The following HSPG2 variants were observed in gnomAD, a reference collection of about 807,000 sequenced individuals.
HSPG2 encodes heparan sulfate proteoglycan 2, also known as basement membrane-specific heparan sulfate proteoglycan core protein.
Under a neutral mutation model 526.6 loss-of-function variants are expected in HSPG2, and 278 were observed. The observed-to-expected ratio is 0.53, with a 90% confidence interval of 0.48 to 0.58. The LOEUF (loss-of-function observed/expected upper bound fraction) is 0.58, where lower values mean the gene tolerates loss of function less well. HSPG2 is among the 20% of genes least tolerant of loss of function. The pLI, the probability that HSPG2 is intolerant of heterozygous loss-of-function variation, is 0.00. For missense variants in HSPG2, 5,354 were observed against 6,099.5 expected (o/e 0.88, Z 4.07); for synonymous variants, 2,465 against 2,555.4 (o/e 0.96, Z 1.07).
intron 1 of HSPG2, among the ~76,000 whole-genome samples, chr1:21,902,731 G>A (rs919585330): frequency 3.9e-5 from 6 of 152,320 alleles, no homozygotes; most frequent in African/African-American, 1.2e-4. Context: ...GGGCTTCTCG[G>A]GAGCGCTGGG....
In HSPG2 at chr1:21,855,274, T is replaced by C. The variant is rs757471272; in HGVS notation, c.5997+30A>G. On this transcript the variant is annotated intron_variant, in intron 47 of 96. Transcript: ENST00000374695. Reference sequence around the variant, plus strand: ...GGACTCTCTGCAGAGCCTGTGGGCCTCCTCCTCCTGGGTGGGCCCATCTCC... The same window carrying C: ...GGACTCTCTGCAGAGCCTGTGGGCCCCCTCCTCCTGGGTGGGCCCATCTCC... The C allele has an allele frequency of 3.8e-6, 6 of 1,587,412 alleles. No homozygotes were observed. In the Admixed American group the frequency reaches 1.1e-4, roughly 28 times the overall value.
Position 21,852,132 on chromosome 1 carries a change from C to T in HSPG2, c.6826G>A (p.Val2276Ile). 1 of 1,613,742 alleles carries T rather than the reference C, an allele frequency of 6.2e-7. No homozygotes were observed. The highest frequency in any genetic ancestry group is 2.2e-5 in the East Asian group (1 of 44,886). ...CTGCCCCCACGCTTGTACCATGTGA[C>T]CTGGGCGTGGGCCTGCCCTGCCACC... ...CVVAGQAHAQ[V>I]TWYKRGGSLP... is the part of the protein sequence containing the mutation. Residue 2276 changes from valine to isoleucine, a missense_variant, in exon 53 of 97, where the codon GTC becomes ATC. By Grantham distance (29) the Val-to-Ile change is conservative. Transcript: ENST00000374695.
Position 21,880,356 on chromosome 1 carries a change from C to G in HSPG2, c.2195+7G>C, listed in dbSNP as rs772303683. 3.7e-6 allele frequency: 6 copies of G among 1,614,140 alleles called. No individual in the cohort carries two copies. Among genetic ancestry groups the G allele is most frequent in the Non-Finnish European group, 4.2e-6 (5 of 1,180,022 alleles). On this transcript the variant is annotated splice_region_variant and intron_variant, in intron 16 of 96. Transcript: ENST00000374695. ...TCTGTGGTTCCCAGCCCTGCCGGCT[C>G]AGGCACCTGCACTCCTCCACACTGT... is the stretch of plus-strand genomic sequence containing the variant.
At chr1:21,846,038 A>C in intron 64 of HSPG2, 70 bp downstream of exon 64, 1 of 1,565,096 alleles carries the variant, frequency 6.4e-7, no homozygotes, top group Non-Finnish European at 8.8e-7. Flanking sequence ...TCCTTCTGCC[A>C]GTTCTGCCCC....
rs1164712711 is a variant in HSPG2, at chr1:21,895,461, A to G, written c.244+461T>C. On this transcript the variant is annotated intron_variant, in intron 3 of 96. Coordinates refer to ENST00000374695, the MANE Select transcript of HSPG2 (RefSeq NM_005529.7). The surrounding 1 kb of genome is among the most constrained non-coding windows in gnomAD (Gnocchi z 4.1). ...AAGGTTCTCTCCCAAGCCTAGCGTC[A>G]GGCTCGATCTGTGCTCTGCATGCCC... is the stretch of plus-strand genomic sequence containing the variant. Among the ~76,000 whole-genome samples, 1 of 152,156 alleles carries G rather than the reference A, an allele frequency of 6.6e-6. No homozygotes were observed. Among genetic ancestry groups the G allele is most frequent in the Non-Finnish European group, 1.5e-5 (1 of 68,014 alleles).
In HSPG2 at chr1:21,890,404, G is replaced by GC; in HGVS notation, c.413+22dup. On this transcript the variant is annotated intron_variant, in intron 5 of 96. Coordinates refer to ENST00000374695, the MANE Select transcript of HSPG2 (RefSeq NM_005529.7). This position sits in a 1 kb window ranked among gnomAD's most constrained non-coding sequence, Gnocchi z 4.1. ...GGTTACCCGCTCAAGTCCCCCAGCAGCCCCCAGGGAGCCCCTTCTCACTTG... is the reference window on the plus strand; with the variant it reads ...GGTTACCCGCTCAAGTCCCCCAGCAGCCCCCCAGGGAGCCCCTTCTCACTTG... 6.2e-7 allele frequency: 1 copy of GC among 1,611,240 alleles called. No homozygotes were observed. Among genetic ancestry groups the GC allele is most frequent in the Non-Finnish European group, 8.5e-7 (1 of 1,177,618 alleles).
At chr1:21,909,958 G>A (rs1460924533) in intron 1 of HSPG2, among the ~76,000 whole-genome samples, 1 of 152,118 alleles carries the variant, frequency 6.6e-6, no homozygotes, top group East Asian at 1.9e-4. Flanking sequence ...TCAGCTGCAC[G>A]TTGCTCACGC....
chr1:21,875,566 G>A, intron 25 of HSPG2, 63 bp downstream of exon 25: 1 of 1,231,396 alleles, frequency 8.1e-7, no homozygotes, highest in Non-Finnish European at 1.2e-6. Context: ...GTGCTGTACT[G>A]CACCGCTTAG....
Position 21,855,828 on chromosome 1 carries a change from C to T in HSPG2, c.5660G>A (p.Cys1887Tyr). The stretch of plus-strand genomic sequence containing the variant: ...GGGCGTGGGGCTCCCTGTGGCGCTG[C>T]AGCGGAACTCCGCCAGTTGCCCGGG... Reference protein sequence around the residue: ...VQPGQLAEFRCSATGSPTPTL... With the variant: ...VQPGQLAEFRYSATGSPTPTL... The change falls in exon 45 of 97, where the codon TGC (cysteine) becomes TAC (tyrosine). Residue 1887 changes from cysteine (C) to tyrosine (Y), a missense_variant. Physicochemically the swap from Cys to Tyr is radical, Grantham distance 194 (BLOSUM62 -2). Coordinates refer to ENST00000374695, the MANE Select transcript of HSPG2 (RefSeq NM_005529.7). 2 of 1,613,234 alleles carry T rather than the reference C, an allele frequency of 1.2e-6. No homozygotes were observed. The highest frequency in any genetic ancestry group is 8.5e-7 in the Non-Finnish European group (1 of 1,179,966).
chr1:21,884,840 G>C lies in HSPG2; in HGVS notation c.1434C>G (p.Thr478=). The part of the protein sequence containing the change: ...DVKESDQGAY[T]CEAMNARGMV... ...TGCCCCGGGCGTTCATGGCCTCACA[G>C]GTGTAGGCACCCTGGTCTGACTCCT... The change falls in exon 12 of 97, where the codon ACC becomes ACG. Residue 478 remains threonine (T), a synonymous_variant. Transcript: ENST00000374695. 1 of 1,613,892 alleles carries C rather than the reference G, an allele frequency of 6.2e-7. No individual in the cohort carries two copies. The highest frequency in any genetic ancestry group is 8.5e-7 in the Non-Finnish European group (1 of 1,180,008).
At chr1:21,873,286 A>G in intron 30 of HSPG2, 89 bp downstream of exon 30, 15 of 1,486,564 alleles carry the variant, frequency 1.0e-5, no homozygotes, top group South Asian at 2.3e-5. Flanking sequence ...CGGACAGGCA[A>G]AGCCAAAGGG....
chr1:21,824,322 C>G lies in HSPG2; in HGVS notation c.12799G>C (p.Gly4267Arg). 6.2e-7 allele frequency: 1 copy of G among 1,613,806 alleles called. No individual in the cohort carries two copies. Among genetic ancestry groups the G allele is most frequent in the Non-Finnish European group, 8.5e-7 (1 of 1,179,984 alleles). ...KDFISLGLQDGHLVFRYQLGS... is the reference protein window; with the variant it reads ...KDFISLGLQDRHLVFRYQLGS... Reference sequence around the variant, plus strand: ...AGGACCTACCTGAAGACAAGGTGCCCGTCTTGAAGCCCGAGGCTGATGAAG... The same window carrying G: ...AGGACCTACCTGAAGACAAGGTGCCGGTCTTGAAGCCCGAGGCTGATGAAG... Residue 4267 changes from glycine to arginine, a missense_variant, in exon 94 of 97, where the codon GGG becomes CGG. By Grantham distance (125) the Gly-to-Arg change is moderately radical. Transcript: ENST00000374695. This position sits in a 1 kb window ranked among gnomAD's most constrained non-coding sequence, Gnocchi z 5.9.
rs1484948843 is a variant in HSPG2 at position 21,865,774 on chromosome 1, G to C, written c.4257C>G (p.Leu1419=). The change falls in exon 34 of 97, where the codon CTC becomes CTG. Residue 1419 remains leucine (L), a synonymous_variant. Transcript: ENST00000374695. The surrounding 1 kb of genome is among the most constrained non-coding windows in gnomAD (Gnocchi z 5.4). ...AAYGGKLRYT[L]SYTAGPQGSP... ...TGCCCTGTGGGCCTGCTGTGTAGGA[G>C]AGGGTGTATCGCAACTTCCCACCGT... The C allele has an allele frequency of 6.2e-7, 1 of 1,613,746 alleles. No homozygotes were observed. Among genetic ancestry groups the C allele is most frequent in the Non-Finnish European group, 8.5e-7 (1 of 1,179,994 alleles).
intron 56 of HSPG2, 54 bp from the exon 57 acceptor site, chr1:21,850,246 G>T: frequency 1.2e-6 from 2 of 1,612,206 alleles, no homozygotes; most frequent in Non-Finnish European, 1.7e-6. Flanking sequence ...GATGAGATGG[G>T]GCTCCTGGTC....
intron 3 of HSPG2, among the ~76,000 whole-genome samples, chr1:21,894,895 A>G (rs1642641685): frequency 6.6e-6 from 1 of 152,150 alleles, no homozygotes; most frequent in Admixed American, 6.5e-5. Context: ...AGACCTACAC[A>G]TGGAAATGGA....
At chr1:21,840,521 T>A (rs950291630) in intron 71 of HSPG2, among the ~76,000 whole-genome samples, 24 of 152,240 alleles carry the variant, frequency 1.6e-4, no homozygotes, top group Admixed American at 9.2e-4. Context: ...TTAGCCAGGA[T>A]GGTCTCAATC....
chr1:21,875,829 C>A lies in HSPG2; in HGVS notation c.3183+34G>T, dbSNP rs115910529. The A allele has an allele frequency of 4.0e-4, 648 of 1,611,368 alleles. No homozygotes were observed. The African/African-American group carries it at 7.6e-3, about 19-fold the overall frequency. ...GGAGAGGCAGGAGCAAGGGCCTGCC[C>A]GCACCCCTACCCCCAGGGGACAGTA... On this transcript the variant is annotated intron_variant, in intron 24 of 96. Transcript: ENST00000374695.
chr1:21,831,654 G>C lies in HSPG2; in HGVS notation c.11350C>G (p.Gln3784Glu), dbSNP rs2098004680. ...AGCAGTATGGGGTTGGGTCTCACCT[G>C]GGAGGTCCCATTGACCGGGGCCAGG... Reference protein sequence around the residue: ...GDLAPVNGTSQGKFQGLDLNE... With the variant: ...GDLAPVNGTSEGKFQGLDLNE... The change falls in exon 82 of 97, where the codon CAG (glutamine) becomes GAG (glutamate). Residue 3784 changes from glutamine (Q) to glutamate (E), a missense_variant and splice_region_variant. By Grantham distance (29) the Gln-to-Glu change is conservative. Transcript: ENST00000374695. 6.2e-7 allele frequency: 1 copy of C among 1,608,318 alleles called. No homozygotes were observed. The highest frequency in any genetic ancestry group is 1.7e-4 in the Middle Eastern group (1 of 6,046).
rs79164808 is a variant in HSPG2, at chr1:21,904,316, G to A, written c.64-8006C>T. ...CAAAGCAGAGAAGGGGAAGAGTGCGGACCAGGTGGAGGGAAGGGCACACGC... is the reference window on the plus strand; with the variant it reads ...CAAAGCAGAGAAGGGGAAGAGTGCGAACCAGGTGGAGGGAAGGGCACACGC... On this transcript the variant is annotated intron_variant, in intron 1 of 96. Transcript: ENST00000374695. This position sits in a 1 kb window ranked among gnomAD's most constrained non-coding sequence, Gnocchi z 4.4. Among the ~76,000 whole-genome samples, 358 of 152,266 alleles carry A rather than the reference G, an allele frequency of 2.4e-3. 1 individual carries two copies. The highest frequency in any genetic ancestry group is 4.1e-3 in the Non-Finnish European group (281 of 68,006).
Sources: allele counts gnomAD v4.1 joint callset (sites outside exome capture counted in the v4.1 genomes callset), GRCh38; gene constraint gnomAD v4.1.1; non-coding constraint Gnocchi (gnomAD v3.1); transcripts MANE v1.5; gene names NCBI Gene and HGNC (gene_info 2026-07-23, HGNC 2026-07-21).